The following NOMO3 variants were observed in gnomAD, a reference collection of about 807,000 sequenced individuals.
NOMO3 encodes the protein BOS complex subunit NOMO3.
NOMO3 carries 15 observed loss-of-function variants against 69.9 expected under a neutral mutation model. The observed-to-expected ratio is 0.21, with a 90% CI of 0.14 to 0.33. NOMO3 has a LOEUF of 0.33. NOMO3 is among the 10% of genes least tolerant of loss of function. The probability of loss-of-function intolerance (pLI) is 1.00; values close to 1 mark genes in which losing one functional copy is unlikely to be tolerated. For synonymous variants in NOMO3, 89 were observed against 301.9 expected, an observed-to-expected ratio of 0.29 and a Z score of 7.31; for missense variants, 218 against 761.0, an observed-to-expected ratio of 0.29 and a Z score of 8.39.
intron 12 of NOMO3, 86 bp from the exon 13 acceptor site, chr16:16,262,988 T>C: frequency 6.4e-7 from 1 of 1,551,756 alleles, no homozygotes; most frequent in Non-Finnish European, 8.6e-7. Flanking sequence ...TTAGCCTTGG[T>C]CCCAGATGAA....
intron 11 of NOMO3, 150 bp downstream of exon 11, chr16:16,256,308 C>G (rs1397079356): frequency 4.8e-6 from 6 of 1,247,740 alleles, no homozygotes; most frequent in Non-Finnish European, 5.3e-6. Flanking sequence ...CAGAGTCTTG[C>G]CCTGTTGCCC....
rs989004505 is a variant in NOMO3 at position 16,259,066 on chromosome 16, G to A, written c.1221-2436G>A. Among the ~76,000 whole-genome samples the A allele has an allele frequency of 9.8e-5, 14 of 142,562 alleles. 2 individuals are homozygous for A. Among genetic ancestry groups the A allele is most frequent in the Admixed American group, 6.1e-4 (9 of 14,732 alleles). 93.5% of individuals were successfully genotyped at this position (142,562 alleles called of 152,430 possible). On this transcript the variant is annotated intron_variant, in intron 11 of 30. Transcript: ENST00000399336. ...CTGGGCCCAGGCGGCTGGCAGGCGAGGGAGCGAGGAGTAGATGGATTTGGT... is the reference window on the plus strand; with the variant it reads ...CTGGGCCCAGGCGGCTGGCAGGCGAAGGAGCGAGGAGTAGATGGATTTGGT...
chr16:16,260,290 T>C (rs1273505934), intron 11 of NOMO3, among the ~76,000 whole-genome samples: 1 of 136,228 alleles, frequency 7.3e-6, no homozygotes, highest in Non-Finnish European at 1.5e-5. Flanking sequence ...CAGTTTGCAT[T>C]TCATGTAATT....
At chr16:16,265,507 C>G (rs1274079638) in intron 15 of NOMO3, among the ~76,000 whole-genome samples, 2 of 136,402 alleles carry the variant, frequency 1.5e-5, no homozygotes, top group Non-Finnish European at 3.0e-5. Context: ...TGCTTCTCAG[C>G]CTCAGTTTTC....
At chr16:16,259,101 G>A (rs553671160) in intron 11 of NOMO3, among the ~76,000 whole-genome samples, 1 of 142,672 alleles carries the variant, frequency 7.0e-6, no homozygotes, top group African/African-American at 2.9e-5. Context: ...TAGGTCACAT[G>A]GAGAACACAC....
At chr16:16,249,602 T>G (rs1396017860) in intron 6 of NOMO3, among the ~76,000 whole-genome samples, 1 of 141,212 alleles carries the variant, frequency 7.1e-6, no homozygotes, top group Admixed American at 6.9e-5. Flanking sequence ...AAAAAAAAAT[T>G]TATTCGAAAT....
intron 2 of NOMO3, among the ~76,000 whole-genome samples, chr16:16,237,734 G>A (rs1272409426): frequency 7.0e-6 from 1 of 143,826 alleles, no homozygotes; most frequent in Non-Finnish European, 1.5e-5. Flanking sequence ...ATTTTTAATA[G>A]TGATGGGGTT....
At chr16:16,260,605 C>G (rs2049555981) in intron 11 of NOMO3, among the ~76,000 whole-genome samples, 1 of 142,674 alleles carries the variant, frequency 7.0e-6, no homozygotes, top group Non-Finnish European at 1.5e-5. Flanking sequence ...TAATGTACCC[C>G]TAATTGTCAG....
At position 16,263,539 on chromosome 16, in the gene NOMO3, C is replaced by G; in HGVS notation, c.1564C>G (p.Leu522Val). The change falls in exon 14 of 31, where the codon CTA becomes GTA. Residue 522 changes from leucine (L) to valine (V), a missense_variant. Coordinates refer to ENST00000399336, the MANE Select transcript of NOMO3 (RefSeq NM_001004067.4). ...LDTCGDLLVTLQSLSRQGEKR... is the reference protein window; with the variant it reads ...LDTCGDLLVTVQSLSRQGEKR... ...CACCTGTGGTGACTTGCTGGTGACT[C>G]TACAGTCCCTGAGCCGCCAGGGTGA... 5.0e-6 allele frequency: 6 copies of G among 1,196,016 alleles called. No individual in the cohort carries two copies. The highest frequency in any genetic ancestry group is 6.7e-6 in the Non-Finnish European group (6 of 897,152). The allele number at this position is 1,196,016 out of a possible 1,614,324, so 74.1% of individuals were successfully genotyped here. A position where few individuals can be genotyped will look rare whatever the true frequency, so the allele number is the denominator to read the frequency against.
chr16:16,234,899 T>G (rs1425695817), intron 1 of NOMO3, among the ~76,000 whole-genome samples: 1 of 152,114 alleles, frequency 6.6e-6, no homozygotes, highest in African/African-American at 2.4e-5. Flanking sequence ...GCTTTATTTC[T>G]CTGGAAAGCC....
chr16:16,257,914 A>G lies in NOMO3; in HGVS notation c.1220+1756A>G, dbSNP rs992866192. On this transcript the variant is annotated intron_variant, in intron 11 of 30. Coordinates refer to ENST00000399336, the MANE Select transcript of NOMO3 (RefSeq NM_001004067.4). ...CCACCTTCCATAAACACTTTGTGCA[A>G]TTACTCTAGATGAGGCACTGAAAAA... is the stretch of plus-strand genomic sequence containing the variant. Among the ~76,000 whole-genome samples the G allele has an allele frequency of 1.6e-4, 22 of 141,016 alleles. 1 individual carries two copies. The highest frequency in any genetic ancestry group is 3.0e-4 in the Non-Finnish European group (20 of 67,222). The allele number at this position is 141,016 out of a possible 152,430, so 92.5% of individuals were successfully genotyped here. A position where few individuals can be genotyped will look rare whatever the true frequency, so the allele number is the denominator to read the frequency against.
chr16:16,259,161 G>T (rs1211296594), intron 11 of NOMO3, among the ~76,000 whole-genome samples: 2 of 143,834 alleles, frequency 1.4e-5, no homozygotes, highest in South Asian at 4.4e-4. Flanking sequence ...GAGCCACTGG[G>T]TAGATGGAGG....
rs2049676468 is a variant in NOMO3 at position 16,273,979 on chromosome 16, A to G, written c.2274-14A>G. 3.4e-6 allele frequency: 5 copies of G among 1,470,240 alleles called. No homozygotes were observed. Among genetic ancestry groups the G allele is most frequent in the Non-Finnish European group, 4.5e-6 (5 of 1,099,542 alleles). 91.1% of individuals were successfully genotyped at this position (1,470,240 alleles called of 1,614,324 possible). ...GATAGGACCCGCCAAACTGAAGTAT[A>G]TTAATTATTTTAGGTCTGGAGAGAA... On this transcript the variant is annotated splice_polypyrimidine_tract_variant and intron_variant, in intron 19 of 30. Coordinates refer to ENST00000399336, the MANE Select transcript of NOMO3 (RefSeq NM_001004067.4).
chr16:16,263,424 G>A, intron 13 of NOMO3, 89 bp from the exon 14 acceptor site: 1 of 1,308,630 alleles, frequency 7.6e-7, no homozygotes, highest in Non-Finnish European at 1.0e-6. Context: ...CTCAGCAGTA[G>A]CAAGAAGCTA....
chr16:16,235,785 G>A (rs1242345004), intron 1 of NOMO3: 3 of 438,074 alleles, frequency 6.8e-6, no homozygotes, highest in Non-Finnish European at 1.3e-5. Flanking sequence ...TGGGATTACA[G>A]GCATGAGCCA....
At chr16:16,265,240 A>G (rs2049601572) in intron 15 of NOMO3, 61 bp downstream of exon 15, 2 of 1,589,130 alleles carry the variant, frequency 1.3e-6, no homozygotes, top group Non-Finnish European at 1.7e-6. Flanking sequence ...ATGTCAAGAA[A>G]GACTAACATC....
chr16:16,232,789 C>T lies in NOMO3; in HGVS notation c.123C>T (p.Gly41=), dbSNP rs1368088531. Residue 41 remains glycine (G), a synonymous_variant, in exon 1 of 31, where the codon GGC becomes GGT. Coordinates refer to ENST00000399336, the MANE Select transcript of NOMO3 (RefSeq NM_001004067.4). ...AGGACATCGTGGTGGGCTGCGGTGG[C>T]TTCGTCAAGTCGGACGTGGAGATCA... ...GSEDIVVGCG[G]FVKSDVEINY... 5.2e-6 allele frequency: 3 copies of T among 572,060 alleles called. No individual in the cohort carries two copies. In the African/African-American group the frequency reaches 8.3e-5, roughly 16 times the overall value. The allele number at this position is 572,060 out of a possible 1,614,324, so 35.4% of individuals were successfully genotyped here.
Position 16,245,561 on chromosome 16 carries a change from T to G in NOMO3, c.509+387T>G, listed in dbSNP as rs62032161. On this transcript the variant is annotated intron_variant, in intron 5 of 30. Transcript: ENST00000399336. ...AAAAATTATATCAAGTAGAGTCCCA[T>G]GGGGGAAGAAAATTAGCTGGGTGTG... Among the ~76,000 whole-genome samples the G allele has an allele frequency of 7.0e-5, 9 of 129,488 alleles. 1 individual carries two copies. The highest frequency in any genetic ancestry group is 1.1e-4 in the African/African-American group (3 of 28,300). The allele number at this position is 129,488 out of a possible 152,430, so 84.9% of individuals were successfully genotyped here. A position where few individuals can be genotyped will look rare whatever the true frequency, so the allele number is the denominator to read the frequency against.
At chr16:16,258,430 G>C (rs1455219733) in intron 11 of NOMO3, among the ~76,000 whole-genome samples, 4 of 137,040 alleles carry the variant, frequency 2.9e-5, no homozygotes, top group Non-Finnish European at 6.0e-5. Flanking sequence ...AGCATGCTCA[G>C]AGGCCTGCAT....
Sources: allele counts gnomAD v4.1 joint callset (sites outside exome capture counted in the v4.1 genomes callset), GRCh38; gene constraint gnomAD v4.1.1; transcripts MANE v1.5; gene names NCBI Gene and HGNC (gene_info 2026-07-23, HGNC 2026-07-21).